CALN1: variants seen among roughly 807,000 people sequenced by gnomAD.
CALN1 encodes calneuron 1, also known as calcium-binding protein 8.
Under a neutral mutation model 30.6 loss-of-function variants are expected in CALN1, and 17 were observed. The ratio of observed to expected loss-of-function variants is 0.56; its 90% confidence interval spans 0.38 to 0.83. CALN1 has a LOEUF of 0.83. Ranked by LOEUF, CALN1 falls within the 40% of genes least tolerant of loss-of-function variation. The pLI is 0.00. For missense variants in CALN1, 291 were observed against 354.9 expected, an observed-to-expected ratio of 0.82 and a Z score of 1.45; for synonymous variants, 156 against 131.4, an observed-to-expected ratio of 1.19 and a Z score of -1.28.
At chr7:71,944,560 C>A (rs1190785691) in intron 5 of CALN1, among the ~76,000 whole-genome samples, 1 of 130,902 alleles carries the variant, frequency 7.6e-6, no homozygotes, top group Non-Finnish European at 1.5e-5. Flanking sequence ...TGCCATTGCA[C>A]TCCAGCCTGG....
At chr7:71,989,440 TAAA>T (rs5884868) in intron 5 of CALN1, among the ~76,000 whole-genome samples, 2 of 134,968 alleles carry the variant, frequency 1.5e-5, no homozygotes, top group Admixed American at 7.5e-5. Context: ...TTCCATCTAT[TAAA>T]AAAAAAAAAA....
intron 2 of CALN1, among the ~76,000 whole-genome samples, chr7:72,377,596 G>GT (rs1804647929): frequency 6.6e-6 from 1 of 151,958 alleles, no homozygotes; most frequent in Non-Finnish European, 1.5e-5. Flanking sequence ...TTTAGTTATT[G>GT]TTTGTTTGTT....
intron 5 of CALN1, among the ~76,000 whole-genome samples, chr7:71,838,211 C>T (rs910919341): frequency 2.6e-5 from 4 of 152,084 alleles, no homozygotes; most frequent in Non-Finnish European, 5.9e-5. Flanking sequence ...TATGATTTCC[C>T]CAACTGGAAA....
intron 3 of CALN1, among the ~76,000 whole-genome samples, chr7:72,206,714 ATGCCCT>A (rs1335544540): frequency 6.6e-6 from 1 of 152,184 alleles, no homozygotes; most frequent in Non-Finnish European, 1.5e-5. Context: ...GTTTTTAACT[ATGCCCT>A]TTCTTTACTT....
chr7:72,452,573 C>T, the CALN1 span, among the ~76,000 whole-genome samples: 64 of 152,266 alleles, frequency 4.2e-4, no homozygotes, highest in Admixed American at 1.2e-3. Flanking sequence ...GACACCTCAC[C>T]GGAAGCAGAT....
intron 2 of CALN1, among the ~76,000 whole-genome samples, chr7:72,381,735 C>A (rs1330738275): frequency 6.6e-6 from 1 of 152,146 alleles, no homozygotes; most frequent in Non-Finnish European, 1.5e-5. Flanking sequence ...AGCATTAGGA[C>A]AAATACCTAA....
intron 2 of CALN1, among the ~76,000 whole-genome samples, chr7:72,282,488 C>A (rs890950431): frequency 6.6e-6 from 1 of 152,128 alleles, no homozygotes. Flanking sequence ...CATGAGGGCT[C>A]CTCCCTCACT....
chr7:72,477,297 A>G, the CALN1 span, among the ~76,000 whole-genome samples: 2 of 152,210 alleles, frequency 1.3e-5, no homozygotes, highest in African/African-American at 4.8e-5. Context: ...GAATTGTATT[A>G]GGGGAGCAAA....
chr7:72,300,762 G>C (rs1799203326), intron 2 of CALN1, among the ~76,000 whole-genome samples: 1 of 152,066 alleles, frequency 6.6e-6, no homozygotes, highest in African/African-American at 2.4e-5. Context: ...GAGGCCAAGA[G>C]GGGGCAGATC....
In CALN1 at chr7:72,282,962, A is replaced by AAGT. The variant is rs1244220487; in HGVS notation, c.120-4153_120-4152insACT. Among the ~76,000 whole-genome samples the AAGT allele has an allele frequency of 1.8e-3, 276 of 151,626 alleles. 3 individuals carry two copies. Among genetic ancestry groups the AAGT allele is most frequent in the African/African-American group, 6.2e-3 (255 of 41,286 alleles). ...CCAGCTCTACTTGGGAGGCTGAGGC[A>AAGT]CAAGGATCACTTGAACCCGGGAGTG... is the stretch of plus-strand genomic sequence containing the variant. On this transcript the variant is annotated intron_variant, in intron 2 of 6. Coordinates refer to ENST00000395275, the MANE Select transcript of CALN1 (RefSeq NM_031468.4).
At chr7:71,972,268 T>C (rs973699649) in intron 5 of CALN1, among the ~76,000 whole-genome samples, 9 of 152,266 alleles carry the variant, frequency 5.9e-5, no homozygotes, top group African/African-American at 2.2e-4. Context: ...CACAGGATTT[T>C]TCAATAGTGG....
chr7:72,323,044 T>A (rs1801005156), intron 2 of CALN1, among the ~76,000 whole-genome samples: 1 of 149,148 alleles, frequency 6.7e-6, no homozygotes, highest in Non-Finnish European at 1.5e-5. Context: ...CAATTTGTAA[T>A]TCAAACCACA....
intron 1 of CALN1, among the ~76,000 whole-genome samples, chr7:72,442,019 G>A (rs779819426): frequency 4.0e-5 from 6 of 151,760 alleles, no homozygotes; most frequent in African/African-American, 1.2e-4. Flanking sequence ...AGCTGTCCCC[G>A]TCTCAGGCCA....
rs1280028908 is a variant in CALN1, at chr7:72,399,374, G to A, written c.119+3877C>T. Reference sequence around the variant, plus strand: ...CAACATCCGCCTCCCAGGTTCAAGCGATTCTCCTGCCTCAGCCTCCCGAGT... The same window carrying A: ...CAACATCCGCCTCCCAGGTTCAAGCAATTCTCCTGCCTCAGCCTCCCGAGT... On this transcript the variant is annotated intron_variant, in intron 2 of 6. Transcript: ENST00000395275. Among the ~76,000 whole-genome samples, 6 of 143,244 alleles carry A rather than the reference G, an allele frequency of 4.2e-5. No individual in the cohort carries two copies. The South Asian group carries it at 1.1e-3, about 27-fold the overall frequency. The allele number at this position is 143,244 out of a possible 152,430, so 94.0% of individuals were successfully genotyped here.
intron 5 of CALN1, among the ~76,000 whole-genome samples, chr7:71,932,599 G>A (rs554007112): frequency 5.9e-5 from 9 of 151,972 alleles, no homozygotes; most frequent in East Asian, 3.9e-4. Context: ...GGATCACAAC[G>A]TCAGGAGATC....
rs140886831 is a variant in CALN1, at chr7:71,908,408, C to T, written c.502-97916G>A. ...TGGTCAAGGAAAGCTACTTTCAATG[C>T]GAAGTGAAGACAGAACATAAATCAC... On this transcript the variant is annotated intron_variant, in intron 5 of 6. Coordinates refer to ENST00000395275, the MANE Select transcript of CALN1 (RefSeq NM_031468.4). Among the ~76,000 whole-genome samples, 145 of 152,184 alleles carry T rather than the reference C, an allele frequency of 9.5e-4. No homozygotes were observed. In the East Asian group the frequency reaches 0.025, roughly 26 times the overall value.
chr7:72,083,416 C>A (rs531165897), intron 4 of CALN1, among the ~76,000 whole-genome samples: 20 of 151,354 alleles, frequency 1.3e-4, no homozygotes, highest in Non-Finnish European at 2.2e-4. Flanking sequence ...CCCATCTCTA[C>A]AAAAATTGTG....
Position 72,197,173 on chromosome 7 carries a change from G to A in CALN1, c.244+81513C>T, listed in dbSNP as rs535002093. ...TTTGATTTTCATTGTCAAATGGAAGGTTTGCTTTTTTTTTTTTTTTTTTTT... is the reference window on the plus strand; with the variant it reads ...TTTGATTTTCATTGTCAAATGGAAGATTTGCTTTTTTTTTTTTTTTTTTTT... On this transcript the variant is annotated intron_variant, in intron 3 of 6. Coordinates refer to ENST00000395275, the MANE Select transcript of CALN1 (RefSeq NM_031468.4). Among the ~76,000 whole-genome samples, 61 of 122,064 alleles carry A rather than the reference G, an allele frequency of 5.0e-4. 1 individual carries two copies. The South Asian group carries it at 0.017, about 34-fold the overall frequency. 80.1% of individuals were successfully genotyped at this position (122,064 alleles called of 152,430 possible).
intron 5 of CALN1, among the ~76,000 whole-genome samples, chr7:71,815,851 C>T (rs1788234038): frequency 7.5e-6 from 1 of 132,996 alleles, no homozygotes; most frequent in Non-Finnish European, 1.6e-5. Context: ...TCCTTCCTTC[C>T]TTCTTTCCTT....
Sources: allele counts gnomAD v4.1 joint callset (sites outside exome capture counted in the v4.1 genomes callset), GRCh38; gene constraint gnomAD v4.1.1; transcripts MANE v1.5; gene names NCBI Gene and HGNC (gene_info 2026-07-23, HGNC 2026-07-21).